Variants in OR5K4 observed in about 807,000 individuals in gnomAD.
OR5K4 encodes the protein olfactory receptor 5K4.
Under a neutral mutation model 11.8 loss-of-function variants are expected in OR5K4, and 16 were observed. The ratio of observed to expected loss-of-function variants is 1.36; its 90% CI spans 0.92 to 2.06. The LOEUF is 2.06. Ranked by LOEUF, OR5K4 falls within the 30% of genes most tolerant of loss-of-function variation. The pLI, the probability that OR5K4 is intolerant of heterozygous loss-of-function variation, is 0.00. For missense variants in OR5K4, 442 were observed against 386.9 expected, an observed-to-expected ratio of 1.14 and a Z score of -1.19; for synonymous variants, 152 against 135.1, an observed-to-expected ratio of 1.12 and a Z score of -0.87.
chr3:98,354,316 C>A lies in OR5K4; in HGVS notation c.463C>A (p.His155Asn). The change falls in exon 1 of 1, where the codon CAT becomes AAT. Residue 155 changes from histidine (H) to asparagine (N), a missense_variant. Coordinates refer to ENST00000354924, the MANE Select transcript of OR5K4 (RefSeq NM_001005517.1). ...AGGGGCCTTCAAAGCTGGAAACCTG[C>A]ATTCCATGATTCATGTAGGGCTTTT... The part of the protein sequence containing the change: ...TTGAFKAGNL[H>N]SMIHVGLLLR... The A allele has an allele frequency of 6.2e-7, 1 of 1,614,188 alleles. No homozygotes were observed. Among genetic ancestry groups the A allele is most frequent in the Admixed American group, 1.7e-5 (1 of 60,016 alleles).
In OR5K4 at chr3:98,354,614, G is replaced by T. The variant is rs201469292; in HGVS notation, c.761G>T (p.Cys254Phe). 9.7e-5 allele frequency: 157 copies of T among 1,613,184 alleles called. No homozygotes were observed. The highest frequency in any genetic ancestry group is 1.2e-4 in the Non-Finnish European group (147 of 1,179,458). ...CTCTCTGTCTCAATATTTTACATTTGTCTTCTCATGTATATTGGACCATCT... is the reference window on the plus strand; with the variant it reads ...CTCTCTGTCTCAATATTTTACATTTTTCTTCTCATGTATATTGGACCATCT... The part of the protein sequence containing the change: ...HFLSVSIFYI[C>F]LLMYIGPSEE... Residue 254 changes from cysteine (C) to phenylalanine (F), a missense_variant, in exon 1 of 1, where the codon TGT (cysteine) becomes TTT (phenylalanine). Transcript: ENST00000354924.
rs1707041161 is a variant in OR5K4, at chr3:98,354,762, G to T, written c.909G>T (p.Arg303Ser). 1 of 1,484,116 alleles carries T rather than the reference G, an allele frequency of 6.7e-7. No homozygotes were observed. The highest frequency in any genetic ancestry group is 9.2e-7 in the Non-Finnish European group (1 of 1,087,238). The allele number at this position is 1,484,116 out of a possible 1,614,324, so 91.9% of individuals were successfully genotyped here. The change falls in exon 1 of 1, where the codon AGG (arginine) becomes AGT (serine). Residue 303 changes from arginine to serine, a missense_variant. Transcript: ENST00000354924. Reference sequence around the variant, plus strand: ...TAAATGTTCTTAAAAAAATTATGAGGAATTATAACATTCTTAAACAAACTT... The same window carrying T: ...TAAATGTTCTTAAAAAAATTATGAGTAATTATAACATTCTTAAACAAACTT... ...EVINVLKKIM[R>S]NYNILKQTCS...
Position 98,354,156 on chromosome 3 carries a change from T to A in OR5K4, c.303T>A (p.Phe101Leu). ...IISLYECMAQ[F>L]YFLCLAETTD... Reference sequence around the variant, plus strand: ...CCCTGTATGAATGTATGGCACAATTTTATTTTCTCTGTCTTGCTGAAACCA... The same window carrying A: ...CCCTGTATGAATGTATGGCACAATTATATTTTCTCTGTCTTGCTGAAACCA... The change falls in exon 1 of 1, where the codon TTT (phenylalanine) becomes TTA (leucine). Residue 101 changes from phenylalanine (F) to leucine (L), a missense_variant. By Grantham distance (22) the Phe-to-Leu change is conservative. Coordinates refer to ENST00000354924, the MANE Select transcript of OR5K4 (RefSeq NM_001005517.1). 6.2e-7 allele frequency: 1 copy of A among 1,614,242 alleles called. No individual in the cohort carries two copies. The highest frequency in any genetic ancestry group is 1.1e-5 in the South Asian group (1 of 91,082).
In OR5K4 at chr3:98,354,350, T is replaced by C. The variant is rs1369445497; in HGVS notation, c.497T>C (p.Leu166Ser). The C allele has an allele frequency of 1.7e-5, 27 of 1,614,184 alleles. No individual in the cohort carries two copies. Among genetic ancestry groups the C allele is most frequent in the Non-Finnish European group, 2.1e-5 (25 of 1,180,026 alleles). Residue 166 changes from leucine (L) to serine (S), a missense_variant, in exon 1 of 1, where the codon TTA becomes TCA. Physicochemically the swap from Leu to Ser is moderately radical, Grantham distance 145. Coordinates refer to ENST00000354924, the MANE Select transcript of OR5K4 (RefSeq NM_001005517.1). ...SMIHVGLLLRLTFCRSNKIHH... is the reference protein window; with the variant it reads ...SMIHVGLLLRSTFCRSNKIHH... ...ATTCATGTAGGGCTTTTATTAAGGT[T>C]AACTTTCTGCAGGTCTAATAAAATT...
In OR5K4 at chr3:98,353,895, CATAGG is replaced by C. The variant is rs1220846331; in HGVS notation, c.45_49del (p.Gly16TyrfsTer71). On this transcript the variant is annotated frameshift_variant, in exon 1 of 1. Coordinates refer to ENST00000354924, the MANE Select transcript of OR5K4 (RefSeq NM_001005517.1). LOFTEE classifies it low-confidence loss of function (END_TRUNC). Reference sequence around the variant, plus strand: ...ACTCCTTAGCAGCTGAATTCATCCTCATAGGATTTACAAATTATCCAGAGCTGAAG... The same window carrying C: ...ACTCCTTAGCAGCTGAATTCATCCTCATTTACAAATTATCCAGAGCTGAAG... 6.2e-7 allele frequency: 1 copy of C among 1,613,526 alleles called. No homozygotes were observed. Among genetic ancestry groups the C allele is most frequent in the Non-Finnish European group, 8.5e-7 (1 of 1,179,808 alleles).
In OR5K4 at chr3:98,354,229, A is replaced by G; in HGVS notation, c.376A>G (p.Ile126Val). The change falls in exon 1 of 1, where the codon ATA becomes GTA. Residue 126 changes from isoleucine to valine, a missense_variant. Ile to Val is a conservative substitution (Grantham distance 29). Transcript: ENST00000354924. ...AATGGCCTATGACCGCTATGTGGCC[A>G]TATGCCACCCACTGCAGTACCACAC... ...ATMAYDRYVA[I>V]CHPLQYHTMM... 1 of 1,614,234 alleles carries G rather than the reference A, an allele frequency of 6.2e-7. No homozygotes were observed. The highest frequency in any genetic ancestry group is 8.5e-7 in the Non-Finnish European group (1 of 1,180,042).
rs748925241 is a variant in OR5K4 at position 98,354,500 on chromosome 3, T to C, written c.647T>C (p.Ile216Thr). Residue 216 changes from isoleucine to threonine, a missense_variant, in exon 1 of 1, where the codon ATC becomes ACC. Ile to Thr is a moderately conservative substitution (Grantham distance 89, BLOSUM62 -1). Transcript: ENST00000354924. ...IQIFTIATVL[I>T]SYLCILLTVF... Reference sequence around the variant, plus strand: ...ATCTTTACCATTGCTACTGTCTTGATCTCTTATCTCTGCATCCTTTTGACT... The same window carrying C: ...ATCTTTACCATTGCTACTGTCTTGACCTCTTATCTCTGCATCCTTTTGACT... The C allele has an allele frequency of 2.5e-6, 4 of 1,612,644 alleles. No individual in the cohort carries two copies. The African/African-American group carries it at 5.3e-5, about 22-fold the overall frequency.
Position 98,354,311 on chromosome 3 carries a change from A to G in OR5K4, c.458A>G (p.Asn153Ser). The change falls in exon 1 of 1, where the codon AAC becomes AGC. Residue 153 changes from asparagine (N) to serine (S), a missense_variant. By Grantham distance (46) the Asn-to-Ser change is conservative. Coordinates refer to ENST00000354924, the MANE Select transcript of OR5K4 (RefSeq NM_001005517.1). ...RMTTGAFKAG[N>S]LHSMIHVGLL... is the part of the protein sequence containing the mutation. ...ACCACAGGGGCCTTCAAAGCTGGAAACCTGCATTCCATGATTCATGTAGGG... is the reference window on the plus strand; with the variant it reads ...ACCACAGGGGCCTTCAAAGCTGGAAGCCTGCATTCCATGATTCATGTAGGG... The G allele has an allele frequency of 1.2e-6, 2 of 1,614,148 alleles. No homozygotes were observed. The highest frequency in any genetic ancestry group is 8.5e-7 in the Non-Finnish European group (1 of 1,180,026).
chr3:98,354,152 A>G lies in OR5K4; in HGVS notation c.299A>G (p.Gln100Arg), dbSNP rs1707030147. Residue 100 changes from glutamine to arginine, a missense_variant, in exon 1 of 1, where the codon CAA (glutamine) becomes CGA (arginine). Gln to Arg is a conservative substitution (Grantham distance 43). Transcript: ENST00000354924. ...ATTTCCCTGTATGAATGTATGGCAC[A>G]ATTTTATTTTCTCTGTCTTGCTGAA... ...RIISLYECMA[Q>R]FYFLCLAETT... 1 of 1,614,082 alleles carries G rather than the reference A, an allele frequency of 6.2e-7. No homozygotes were observed. The highest frequency in any genetic ancestry group is 1.7e-5 in the Admixed American group (1 of 60,002).
rs139874815 is a variant in OR5K4 at position 98,354,007 on chromosome 3, G to C, written c.154G>C (p.Glu52Gln). The C allele has an allele frequency of 1.9e-6, 3 of 1,614,054 alleles. No individual in the cohort carries two copies. The highest frequency in any genetic ancestry group is 1.3e-5 in the African/African-American group (1 of 74,928). Reference sequence around the variant, plus strand: ...TGGTCTGGTGGCATTAATTTATGTAGAGCGTCGTCTTCTCACACCAATGTA... The same window carrying C: ...TGGTCTGGTGGCATTAATTTATGTACAGCGTCGTCTTCTCACACCAATGTA... ...NLGLVALIYVERRLLTPMYIF... is the reference protein window; with the variant it reads ...NLGLVALIYVQRRLLTPMYIF... Residue 52 changes from glutamate (E) to glutamine (Q), a missense_variant, in exon 1 of 1, where the codon GAG becomes CAG. Physicochemically the swap from Glu to Gln is conservative, Grantham distance 29. Coordinates refer to ENST00000354924, the MANE Select transcript of OR5K4 (RefSeq NM_001005517.1).
rs1707030601 is a variant in OR5K4, at chr3:98,354,186, C to G, written c.333C>G (p.Asp111Glu). 6.2e-7 allele frequency: 1 copy of G among 1,614,212 alleles called. No homozygotes were observed. Among genetic ancestry groups the G allele is most frequent in the Non-Finnish European group, 8.5e-7 (1 of 1,180,036 alleles). ...TTCTCTGTCTTGCTGAAACCACAGA[C>G]TGCTTTCTTCTGGCGACAATGGCCT... is the stretch of plus-strand genomic sequence containing the variant. ...FYFLCLAETTDCFLLATMAYD... is the reference protein window; with the variant it reads ...FYFLCLAETTECFLLATMAYD... Residue 111 changes from aspartate to glutamate, a missense_variant, in exon 1 of 1, where the codon GAC (aspartate) becomes GAG (glutamate). Coordinates refer to ENST00000354924, the MANE Select transcript of OR5K4 (RefSeq NM_001005517.1).
In OR5K4 at chr3:98,354,139, G is replaced by T. The variant is rs772035047; in HGVS notation, c.286G>T (p.Glu96Ter). The change falls in exon 1 of 1, where the codon GAA (glutamate) becomes TAA (stop). Residue 96 changes from glutamate (E) to a stop codon, truncating the protein, a stop_gained. Transcript: ENST00000354924. LOFTEE classifies it high-confidence loss of function. ...FSEDRIISLY[E>*]CMAQFYFLCL... ...TGAGGATAGAATTATTTCCCTGTATGAATGTATGGCACAATTTTATTTTCT... is the reference window on the plus strand; with the variant it reads ...TGAGGATAGAATTATTTCCCTGTATTAATGTATGGCACAATTTTATTTTCT... 9.3e-6 allele frequency: 15 copies of T among 1,614,066 alleles called. No individual in the cohort carries two copies. The Admixed American group carries it at 2.3e-4, about 25-fold the overall frequency.
At position 98,354,048 on chromosome 3, in the gene OR5K4, C is replaced by G. The variant is rs768659864; in HGVS notation, c.195C>G (p.Asn65Lys). The G allele has an allele frequency of 6.2e-7, 1 of 1,613,836 alleles. No homozygotes were observed. The highest frequency in any genetic ancestry group is 8.5e-7 in the Non-Finnish European group (1 of 1,179,928). The change falls in exon 1 of 1, where the codon AAC becomes AAG. Residue 65 changes from asparagine (N) to lysine (K), a missense_variant. Asn to Lys is a moderately conservative substitution (Grantham distance 94). Transcript: ENST00000354924. The part of the protein sequence containing the change: ...LLTPMYIFLG[N>K]LALMDSCCSC... ...CACCAATGTACATCTTTCTGGGCAACCTGGCTCTGATGGATTCCTGCTGTT... is the reference window on the plus strand; with the variant it reads ...CACCAATGTACATCTTTCTGGGCAAGCTGGCTCTGATGGATTCCTGCTGTT...
rs780138296 is a variant in OR5K4 at position 98,354,777 on chromosome 3, TAAAC to T, written c.929_932del (p.Gln310LeufsTer4). On this transcript the variant is annotated frameshift_variant, in exon 1 of 1. Coordinates refer to ENST00000354924, the MANE Select transcript of OR5K4 (RefSeq NM_001005517.1). LOFTEE classifies it high-confidence loss of function. ...AAATTATGAGGAATTATAACATTCT[TAAAC>T]AAACTTGCTCTATAGCAAATTTATT... 1.4e-5 allele frequency: 20 copies of T among 1,422,736 alleles called. No homozygotes were observed. The highest frequency in any genetic ancestry group is 6.9e-5 in the East Asian group (3 of 43,714). The allele number at this position is 1,422,736 out of a possible 1,614,324, so 88.1% of individuals were successfully genotyped here.
Position 98,353,878 on chromosome 3 carries a change from G to C in OR5K4, c.25G>C (p.Ala9Pro), listed in dbSNP as rs1207132850. The C allele has an allele frequency of 1.9e-6, 3 of 1,611,008 alleles. No homozygotes were observed. The highest frequency in any genetic ancestry group is 2.5e-6 in the Non-Finnish European group (3 of 1,178,716). ...AATGGCTAGGGAAAATCACTCCTTA[G>C]CAGCTGAATTCATCCTCATAGGATT... MARENHSL[A>P]AEFILIGFTN... The change falls in exon 1 of 1, where the codon GCA becomes CCA. Residue 9 changes from alanine (A) to proline (P), a missense_variant. Physicochemically the swap from Ala to Pro is conservative, Grantham distance 27. Transcript: ENST00000354924.
chr3:98,354,697 C>A lies in OR5K4; in HGVS notation c.844C>A (p.Leu282Ile). The change falls in exon 1 of 1, where the codon CTA becomes ATA. Residue 282 changes from leucine to isoleucine, a missense_variant. By Grantham distance (5) the Leu-to-Ile change is conservative. Transcript: ENST00000354924. ...ATTTTATGCAATAGTAATCCCATTACTAAACCCTTTTATTTATAGTCTGAG... is the reference window on the plus strand; with the variant it reads ...ATTTTATGCAATAGTAATCCCATTAATAAACCCTTTTATTTATAGTCTGAG... ...AIFYAIVIPLLNPFIYSLRNK... is the reference protein window; with the variant it reads ...AIFYAIVIPLINPFIYSLRNK... The A allele has an allele frequency of 6.2e-7, 1 of 1,605,124 alleles. No individual in the cohort carries two copies. The highest frequency in any genetic ancestry group is 8.5e-7 in the Non-Finnish European group (1 of 1,172,928).
In OR5K4 at chr3:98,354,582, C is replaced by A; in HGVS notation, c.729C>A (p.Ser243=). ...GTAAAGCATTTTCTACCTGTGCATC[C>A]CACTTTCTCTCTGTCTCAATATTTT... ...GRGKAFSTCA[S]HFLSVSIFYI... Residue 243 remains serine, a synonymous_variant, in exon 1 of 1, where the codon TCC becomes TCA. Transcript: ENST00000354924. 6.2e-7 allele frequency: 1 copy of A among 1,613,832 alleles called. No individual in the cohort carries two copies. The highest frequency in any genetic ancestry group is 2.2e-5 in the East Asian group (1 of 44,852).
rs193142226 is a variant in OR5K4 at position 98,354,086 on chromosome 3, C to T, written c.233C>T (p.Thr78Ile). 4 of 1,614,022 alleles carry T rather than the reference C, an allele frequency of 2.5e-6. No individual in the cohort carries two copies. Among genetic ancestry groups the T allele is most frequent in the Non-Finnish European group, 3.4e-6 (4 of 1,180,024 alleles). ...LMDSCCSCAV[T>I]PKMLENFFSE... ...GATTCCTGCTGTTCCTGTGCTGTTA[C>T]CCCCAAGATGTTAGAGAATTTCTTT... The change falls in exon 1 of 1, where the codon ACC becomes ATC. Residue 78 changes from threonine to isoleucine, a missense_variant. Thr to Ile is a moderately conservative substitution (Grantham distance 89). Transcript: ENST00000354924.
Position 98,354,082 on chromosome 3 carries a change from G to T in OR5K4, c.229G>T (p.Val77Phe), listed in dbSNP as rs760215608. 1.2e-6 allele frequency: 2 copies of T among 1,614,040 alleles called. No individual in the cohort carries two copies. The highest frequency in any genetic ancestry group is 1.7e-6 in the Non-Finnish European group (2 of 1,180,026). Reference protein sequence around the residue: ...ALMDSCCSCAVTPKMLENFFS... With the variant: ...ALMDSCCSCAFTPKMLENFFS... ...GATGGATTCCTGCTGTTCCTGTGCT[G>T]TTACCCCCAAGATGTTAGAGAATTT... Residue 77 changes from valine to phenylalanine, a missense_variant, in exon 1 of 1, where the codon GTT becomes TTT. Val to Phe is a conservative substitution (Grantham distance 50). Coordinates refer to ENST00000354924, the MANE Select transcript of OR5K4 (RefSeq NM_001005517.1).
Sources: gnomAD v4.1 joint callset for allele counts on GRCh38, gnomAD v4.1.1 for gene constraint, MANE v1.5 for transcripts, NCBI Gene and HGNC (gene_info 2026-07-23, HGNC 2026-07-21) for gene names.